Variants in LEF1 observed in about 807,000 individuals in gnomAD.
LEF1 encodes lymphoid enhancer-binding factor 1.
LEF1 carries 14 observed loss-of-function variants against 51.2 expected under a neutral mutation model. The ratio of observed to expected loss-of-function variants is 0.27; its 90% CI spans 0.18 to 0.43. LEF1 has a LOEUF of 0.43. Ranked by LOEUF, LEF1 falls within the 20% of genes least tolerant of loss-of-function variation. The probability of loss-of-function intolerance (pLI) is 1.00; values close to 1 mark genes in which losing one functional copy is unlikely to be tolerated. For missense variants in LEF1, 386 were observed against 512.0 expected, an observed-to-expected ratio of 0.75 and a Z score of 2.37; for synonymous variants, 185 against 183.2, an observed-to-expected ratio of 1.01 and a Z score of -0.08.
At chr4:108,093,410 A>C (rs1488918568) in intron 3 of LEF1, among the ~76,000 whole-genome samples, 1 of 152,082 alleles carries the variant, frequency 6.6e-6, no homozygotes, top group Non-Finnish European at 1.5e-5. Flanking sequence ...GCTGTAAGGG[A>C]GGGAAGGAGG....
At chr4:108,074,417 AAG>A (rs1417467442) in intron 8 of LEF1, among the ~76,000 whole-genome samples, 3 of 152,220 alleles carry the variant, frequency 2.0e-5, no homozygotes, top group African/African-American at 7.2e-5. Flanking sequence ...CTGAAGAGAA[AAG>A]GCTTATTTTA....
At chr4:108,117,550 G>A (rs1264370200) in intron 3 of LEF1, among the ~76,000 whole-genome samples, 1 of 152,214 alleles carries the variant, frequency 6.6e-6, no homozygotes, top group Non-Finnish European at 1.5e-5. Flanking sequence ...ATGGCTCCTA[G>A]AAAAGCCTCT....
chr4:108,099,802 C>A (rs551829067), intron 3 of LEF1, among the ~76,000 whole-genome samples: 1 of 151,132 alleles, frequency 6.6e-6, no homozygotes, highest in Admixed American at 6.6e-5. Context: ...AGAACTATAA[C>A]CTTTCATTTT....
chr4:108,085,586 G>C (rs921502008), intron 4 of LEF1, among the ~76,000 whole-genome samples: 9 of 152,224 alleles, frequency 5.9e-5, no homozygotes, highest in Non-Finnish European at 4.4e-5. Flanking sequence ...CACAGCAGTA[G>C]TGATACTGTT....
chr4:108,067,985 G>A (rs190412923), intron 9 of LEF1, among the ~76,000 whole-genome samples: 226 of 152,044 alleles, frequency 1.5e-3, no homozygotes, highest in African/African-American at 5.2e-3. Context: ...AGAAGGCACC[G>A]GGCCGGGCGT....
At chr4:108,067,670 C>T (rs769788395) in intron 9 of LEF1, among the ~76,000 whole-genome samples, 1 of 151,870 alleles carries the variant, frequency 6.6e-6, no homozygotes, top group Non-Finnish European at 1.5e-5. Context: ...GCTGGGATTA[C>T]AGGCGCACAC....
At chr4:108,107,128 C>G (rs1232955662) in intron 3 of LEF1, among the ~76,000 whole-genome samples, 1 of 152,234 alleles carries the variant, frequency 6.6e-6, no homozygotes, top group Non-Finnish European at 1.5e-5. Flanking sequence ...ACAATCCACT[C>G]TCTCTGCCCC....
chr4:108,127,106 AG>A (rs752879498), intron 3 of LEF1, among the ~76,000 whole-genome samples: 1 of 150,798 alleles, frequency 6.6e-6, no homozygotes, highest in Non-Finnish European at 1.5e-5. Flanking sequence ...AGCTGGAAGT[AG>A]GAGTTTTTCA....
chr4:108,085,157 CA>C (rs1349178574), intron 4 of LEF1, among the ~76,000 whole-genome samples: 1 of 152,168 alleles, frequency 6.6e-6, no homozygotes, highest in African/African-American at 2.4e-5. Flanking sequence ...GGCACAATTT[CA>C]GCTCACCACA....
intron 3 of LEF1, among the ~76,000 whole-genome samples, chr4:108,150,426 C>A (rs886470506): frequency 6.6e-6 from 1 of 152,114 alleles, no homozygotes; most frequent in African/African-American, 2.4e-5. Flanking sequence ...GTCTGATATA[C>A]CCCAGGAAGC....
chr4:108,128,857 T>C (rs1742701565), intron 3 of LEF1, among the ~76,000 whole-genome samples: 3 of 152,140 alleles, frequency 2.0e-5, no homozygotes, highest in Admixed American at 1.3e-4. Context: ...GTTGGTTTAA[T>C]AGAGATTAAA....
chr4:108,122,050 A>G (rs1470344718), intron 3 of LEF1, among the ~76,000 whole-genome samples: 1 of 152,186 alleles, frequency 6.6e-6, no homozygotes, highest in Admixed American at 6.5e-5. Flanking sequence ...TTCATGGCCC[A>G]ATATTTTATA....
chr4:108,077,310 G>A (rs187828257), intron 8 of LEF1, among the ~76,000 whole-genome samples: 123 of 152,140 alleles, frequency 8.1e-4, no homozygotes, highest in Non-Finnish European at 1.6e-3. Flanking sequence ...GGGAAGTGAG[G>A]AACCCTTCTG....
At chr4:108,068,428 A>G (rs185119346) in intron 9 of LEF1, among the ~76,000 whole-genome samples, 4 of 152,316 alleles carry the variant, frequency 2.6e-5, no homozygotes, top group Non-Finnish European at 5.9e-5. Context: ...TAAATTACCT[A>G]AACTCTTCAG....
chr4:108,062,375 C>T (rs967653844), intron 11 of LEF1, among the ~76,000 whole-genome samples: 10 of 152,178 alleles, frequency 6.6e-5, no homozygotes, highest in African/African-American at 2.4e-4. Flanking sequence ...AATGGGCTTT[C>T]GAAGCCCAGG....
intron 3 of LEF1, among the ~76,000 whole-genome samples, chr4:108,157,164 C>CTATA (rs1469950332): frequency 1.6e-4 from 13 of 78,816 alleles, no homozygotes; most frequent in East Asian, 1.1e-3. Context: ...CTCTCTCTCT[C>CTATA]TCTCTATATA....
chr4:108,099,600 A>G lies in LEF1; in HGVS notation c.415-10343T>C, dbSNP rs1354870917. 2.3e-3 allele frequency among the ~76,000 whole-genome samples: 300 copies of G among 130,896 alleles called. 10 individuals carry two copies. Among genetic ancestry groups the G allele is most frequent in the African/African-American group, 6.1e-3 (221 of 36,114 alleles). The allele number at this position is 130,896 out of a possible 152,430, so 85.9% of individuals were successfully genotyped here. A position where few individuals can be genotyped will look rare whatever the true frequency, so the allele number is the denominator to read the frequency against. ...TATATATATATATATATATATATAT[A>G]TATATATATATATATATAAATAATA... On this transcript the variant is annotated intron_variant, in intron 3 of 11. Coordinates refer to ENST00000265165, the MANE Select transcript of LEF1 (RefSeq NM_016269.5).
chr4:108,093,599 T>G (rs1740194036), intron 3 of LEF1, among the ~76,000 whole-genome samples: 1 of 152,050 alleles, frequency 6.6e-6, no homozygotes, highest in Non-Finnish European at 1.5e-5. Flanking sequence ...CCCCAAATTC[T>G]CCACTTCTGG....
At chr4:108,142,879 G>GC (rs922134712) in intron 3 of LEF1, among the ~76,000 whole-genome samples, 24 of 152,300 alleles carry the variant, frequency 1.6e-4, no homozygotes, top group African/African-American at 5.8e-4. Flanking sequence ...AAAATAAAAT[G>GC]CATCTCGTTT....
Sources: gnomAD v4.1 joint callset for allele counts (sites outside exome capture counted in the v4.1 genomes callset) on GRCh38, gnomAD v4.1.1 for gene constraint, MANE v1.5 for transcripts, NCBI Gene and HGNC (gene_info 2026-07-23, HGNC 2026-07-21) for gene names.